Variants in ZBTB20 observed in about 807,000 individuals in gnomAD.
ZBTB20 encodes the protein zinc finger and BTB domain-containing protein 20.
Under a neutral mutation model 56.9 loss-of-function variants are expected in ZBTB20, and 9 were observed. That is an observed-to-expected ratio of 0.16 (90% CI 0.10 to 0.28). The LOEUF is 0.28. Among genes scored for constraint, ZBTB20 ranks in the 10% least tolerant of loss-of-function variants. The pLI, the probability that ZBTB20 is intolerant of heterozygous loss-of-function variation, is 1.00. For missense variants in ZBTB20, 655 were observed against 1,003.0 expected (o/e 0.65, Z 4.69); for synonymous variants, 417 against 420.7 (o/e 0.99, Z 0.11).
intron 4 of ZBTB20, among the ~76,000 whole-genome samples, chr3:114,892,361 C>T (rs1260388054): frequency 6.6e-6 from 1 of 152,170 alleles, no homozygotes. Context: ...AATGATTCTG[C>T]AAACCACAGG....
rs572080348 is a variant in ZBTB20, at chr3:114,562,967, A to G, written c.-294-62576T>C. ...TCAAACAAATATAATAATGATTAAA[A>G]AGTTTAAAATATTGCCAAGAACCAC... On this transcript the variant is annotated intron_variant, in intron 6 of 11. Transcript: ENST00000675478. 2.0e-5 allele frequency among the ~76,000 whole-genome samples: 3 copies of G among 152,368 alleles called. No individual in the cohort carries two copies. The South Asian group carries it at 6.2e-4, about 32-fold the overall frequency.
chr3:114,342,677 C>A (rs2079875689), intron 11 of ZBTB20, among the ~76,000 whole-genome samples: 1 of 152,098 alleles, frequency 6.6e-6, no homozygotes, highest in African/African-American at 2.4e-5. Context: ...AGCATGTGGT[C>A]ATTTTAAGAA....
chr3:114,961,029 T>A (rs1336639975), intron 3 of ZBTB20, among the ~76,000 whole-genome samples: 1 of 151,618 alleles, frequency 6.6e-6, no homozygotes, highest in East Asian at 1.9e-4. Flanking sequence ...GCAGACAAGG[T>A]GAATTGCTGA....
At chr3:114,814,664 G>T (rs917082247) in intron 4 of ZBTB20, among the ~76,000 whole-genome samples, 2 of 152,194 alleles carry the variant, frequency 1.3e-5, no homozygotes, top group African/African-American at 4.8e-5. Context: ...ACCTGAAGAT[G>T]ATTCTTGCCT....
intron 10 of ZBTB20, among the ~76,000 whole-genome samples, chr3:114,373,211 G>GC (rs778476913): frequency 6.6e-6 from 1 of 152,224 alleles, no homozygotes. Flanking sequence ...ACTGCGCCTT[G>GC]CCCCCTCAGA....
intron 7 of ZBTB20, among the ~76,000 whole-genome samples, chr3:114,478,393 A>T (rs1412380386): frequency 2.6e-5 from 4 of 152,238 alleles, no homozygotes; most frequent in African/African-American, 7.2e-5. Context: ...ATTCACTTTA[A>T]TCAGAATTAT....
intron 6 of ZBTB20, among the ~76,000 whole-genome samples, chr3:114,653,977 T>C (rs1267900134): frequency 6.6e-6 from 1 of 152,002 alleles, no homozygotes; most frequent in African/African-American, 2.4e-5. Context: ...TCATTACTGA[T>C]ATTCATAATT....
intron 1 of ZBTB20, among the ~76,000 whole-genome samples, chr3:115,141,699 CCTTT>C (rs1477995416): frequency 5.9e-5 from 9 of 152,142 alleles, no homozygotes; most frequent in Non-Finnish European, 1.3e-4. Flanking sequence ...TATATTAAAA[CCTTT>C]CTTTGTCTCT....
intron 5 of ZBTB20, among the ~76,000 whole-genome samples, chr3:114,738,485 C>A (rs1307618518): frequency 1.3e-5 from 2 of 151,958 alleles, no homozygotes; most frequent in African/African-American, 4.8e-5. Context: ...TTTCATATGA[C>A]AAAAATTTCT....
chr3:114,558,357 C>T (rs573095962), intron 6 of ZBTB20, among the ~76,000 whole-genome samples: 38 of 151,978 alleles, frequency 2.5e-4, no homozygotes, highest in African/African-American at 5.1e-4. Flanking sequence ...CCTCCCTCCC[C>T]GCTAATAACA....
rs2080729793 is a variant in ZBTB20, at chr3:114,352,087, G to T, written c.200-209C>A. ...GGACCTTGAATTTTGCTCCAATTCC[G>T]GCCTTTAGTGCCGCAGCCATTTTGG... On this transcript the variant is annotated intron_variant, in intron 10 of 11. Transcript: ENST00000675478. 3 of 629,274 alleles carry T rather than the reference G, an allele frequency of 4.8e-6. No homozygotes were observed. The East Asian group carries it at 8.6e-5, about 18-fold the overall frequency. The allele number at this position is 629,274 out of a possible 1,614,324, so 39.0% of individuals were successfully genotyped here.
At position 114,438,945 on chromosome 3, in the gene ZBTB20, C is replaced by T. The variant is rs531431166; in HGVS notation, c.-254-49840G>A. Among the ~76,000 whole-genome samples the T allele has an allele frequency of 1.5e-3, 224 of 152,164 alleles. 1 individual carries two copies. The highest frequency in any genetic ancestry group is 2.1e-3 in the Non-Finnish European group (145 of 68,000). On this transcript the variant is annotated intron_variant, in intron 7 of 11. Coordinates refer to ENST00000675478, the MANE Select transcript of ZBTB20 (RefSeq NM_001348800.3). ...CTACCCAGACCCAAATGGAAAAGCA[C>T]ATACCACAACTCTCAAAACTCTCAG...
At chr3:114,562,694 T>TG (rs1481655046) in intron 6 of ZBTB20, among the ~76,000 whole-genome samples, 1 of 152,206 alleles carries the variant, frequency 6.6e-6, no homozygotes, top group Non-Finnish European at 1.5e-5. Flanking sequence ...AGAGATAACG[T>TG]GACTGTTCCT....
chr3:115,068,764 T>C (rs988246813), intron 2 of ZBTB20, among the ~76,000 whole-genome samples: 2 of 152,116 alleles, frequency 1.3e-5, no homozygotes, highest in Admixed American at 1.3e-4. Context: ...CCATTTAAAT[T>C]TTTTTCAACT....
intron 4 of ZBTB20, among the ~76,000 whole-genome samples, chr3:114,859,906 C>A (rs1163992371): frequency 1.3e-5 from 2 of 152,074 alleles, no homozygotes; most frequent in African/African-American, 2.4e-5. Flanking sequence ...AATGTTTGAA[C>A]AACAAAACAG....
chr3:114,625,225 A>G (rs1318736505), intron 6 of ZBTB20, among the ~76,000 whole-genome samples: 1 of 152,140 alleles, frequency 6.6e-6, no homozygotes, highest in Non-Finnish European at 1.5e-5. Flanking sequence ...AGAAGCATCA[A>G]GAGAAAAAAA....
At chr3:115,036,597 T>C (rs956955690) in intron 2 of ZBTB20, among the ~76,000 whole-genome samples, 3 of 152,208 alleles carry the variant, frequency 2.0e-5, no homozygotes, top group Non-Finnish European at 2.9e-5. Context: ...GTATTTTTAG[T>C]AGAGACGGCG....
intron 7 of ZBTB20, among the ~76,000 whole-genome samples, chr3:114,402,062 A>C (rs2086868906): frequency 6.6e-6 from 1 of 152,172 alleles, no homozygotes; most frequent in African/African-American, 2.4e-5. Context: ...GATGGCAATC[A>C]CATCCTGCCA....
At chr3:115,038,203 G>C (rs1168517954) in intron 2 of ZBTB20, among the ~76,000 whole-genome samples, 2 of 152,202 alleles carry the variant, frequency 1.3e-5, no homozygotes, top group African/African-American at 2.4e-5. Flanking sequence ...TTAGCTCTAA[G>C]GTGGGTTAAC....
Sources: gnomAD v4.1 joint callset for allele counts (sites outside exome capture counted in the v4.1 genomes callset) on GRCh38, gnomAD v4.1.1 for gene constraint, MANE v1.5 for transcripts, NCBI Gene and HGNC (gene_info 2026-07-23, HGNC 2026-07-21) for gene names.